CUL9: variants seen among roughly 807,000 people sequenced by gnomAD.
CUL9 encodes cullin 9.
A neutral mutation model predicts 272.6 loss-of-function variants in CUL9; 79 were observed. That is an observed-to-expected ratio of 0.29 (90% CI 0.24 to 0.35). The LOEUF is 0.35. Ranked by LOEUF, CUL9 falls within the 10% of genes least tolerant of loss-of-function variation. CUL9 has a pLI of 1.00. For missense variants in CUL9, 2,532 were observed against 3,255.6 expected, an observed-to-expected ratio of 0.78 and a Z score of 5.41; for synonymous variants, 1,186 against 1,286.5, an observed-to-expected ratio of 0.92 and a Z score of 1.67.
chr6:43,224,382 C>T lies in CUL9; in HGVS notation c.7491C>T (p.Asn2497=), dbSNP rs1180755211. 1 of 1,614,168 alleles carries T rather than the reference C, an allele frequency of 6.2e-7. No individual in the cohort carries two copies. The highest frequency in any genetic ancestry group is 8.5e-7 in the Non-Finnish European group (1 of 1,180,030). ...NDSFSYDESE[N]LDQETFFFGD... Reference sequence around the variant, plus strand: ...GCTTCTCCTACGATGAGTCTGAGAACCTGGACCAAGAGACTTTCTTCTTTG... The same window carrying T: ...GCTTCTCCTACGATGAGTCTGAGAATCTGGACCAAGAGACTTTCTTCTTTG... The change falls in exon 41 of 41, where the codon AAC becomes AAT. Residue 2497 remains asparagine, a synonymous_variant. Transcript: ENST00000252050. The surrounding 1 kb of genome is among the most constrained non-coding windows in gnomAD (Gnocchi z 4.2).
chr6:43,223,416 C>T lies in CUL9; in HGVS notation c.7284+19C>T. 1.3e-6 allele frequency: 2 copies of T among 1,575,638 alleles called. No homozygotes were observed. The highest frequency in any genetic ancestry group is 1.7e-6 in the Non-Finnish European group (2 of 1,157,646). On this transcript the variant is annotated intron_variant, in intron 39 of 40. Transcript: ENST00000252050. This position sits in a 1 kb window ranked among gnomAD's most constrained non-coding sequence, Gnocchi z 4.1. ...TGCCCAGGTACTGCCCGGCCCAGACCCCTTCTGCTCCTGCATTCTGCGGGA... is the reference window on the plus strand; with the variant it reads ...TGCCCAGGTACTGCCCGGCCCAGACTCCTTCTGCTCCTGCATTCTGCGGGA...
intron 31 of CUL9, among the ~76,000 whole-genome samples, chr6:43,219,014 A>G (rs983977134): frequency 1.3e-5 from 2 of 152,222 alleles, no homozygotes; most frequent in South Asian, 4.1e-4. Flanking sequence ...GCAAGACCCC[A>G]TAGCTACAAA....
Position 43,223,794 on chromosome 6 carries a change from T to TCTA in CUL9, c.7285-301_7285-300insCTA. The TCTA allele has an allele frequency of 1.9e-6, 1 of 520,126 alleles. No individual in the cohort carries two copies. The highest frequency in any genetic ancestry group is 3.2e-5 in the Admixed American group (1 of 31,674). The allele number at this position is 520,126 out of a possible 1,614,324, so 32.2% of individuals were successfully genotyped here. A position where few individuals can be genotyped will look rare whatever the true frequency, so the allele number is the denominator to read the frequency against. ...CTCTCCAGCTCTAATGCACTGATGC[T>TCTA]GAGTCTAAACTGTGAGTCCTGTCCT... On this transcript the variant is annotated intron_variant, in intron 39 of 40. Transcript: ENST00000252050. The surrounding 1 kb of genome is among the most constrained non-coding windows in gnomAD (Gnocchi z 4.1).
rs556419987 is a variant in CUL9, at chr6:43,221,395, G to A, written c.6752+74G>A. On this transcript the variant is annotated intron_variant, in intron 34 of 40. Coordinates refer to ENST00000252050, the MANE Select transcript of CUL9 (RefSeq NM_015089.4). The surrounding 1 kb of genome is among the most constrained non-coding windows in gnomAD (Gnocchi z 4.2). The stretch of plus-strand genomic sequence containing the variant: ...AGGCCTGGCAGAAGGAGGGGGGAAC[G>A]GGCTTAGTGTAAAGCTCAGCAAAAG... 4.3e-3 allele frequency: 6,367 copies of A among 1,487,628 alleles called. 67 individuals carry two copies. Among genetic ancestry groups the A allele is most frequent in the Non-Finnish European group, 5.3e-3 (5,886 of 1,110,494 alleles). The allele number at this position is 1,487,628 out of a possible 1,614,324, so 92.2% of individuals were successfully genotyped here. A position where few individuals can be genotyped will look rare whatever the true frequency, so the allele number is the denominator to read the frequency against.
intron 10 of CUL9, 117 bp from the exon 11 acceptor site, chr6:43,196,528 T>C: frequency 1.0e-6 from 1 of 986,578 alleles, no homozygotes; most frequent in Non-Finnish European, 1.6e-6. Flanking sequence ...ATGTCCTGGC[T>C]CAGAGGGCCC....
Position 43,187,099 on chromosome 6 carries a change from A to G in CUL9, c.1387+4A>G. 6.2e-7 allele frequency: 1 copy of G among 1,613,714 alleles called. No homozygotes were observed. The highest frequency in any genetic ancestry group is 8.5e-7 in the Non-Finnish European group (1 of 1,179,788). On this transcript the variant is annotated splice_donor_region_variant and intron_variant, in intron 5 of 40. Coordinates refer to ENST00000252050, the MANE Select transcript of CUL9 (RefSeq NM_015089.4). Reference sequence around the variant, plus strand: ...GGGGCTACTGTGTTGGGCACAGGTGAGCCTAAGAGGGGACATGGATAGCAT... The same window carrying G: ...GGGGCTACTGTGTTGGGCACAGGTGGGCCTAAGAGGGGACATGGATAGCAT...
At position 43,213,887 on chromosome 6, in the gene CUL9, T is replaced by A. The variant is rs774934530; in HGVS notation, c.5663T>A (p.Leu1888His). The A allele has an allele frequency of 1.9e-6, 3 of 1,614,032 alleles. No individual in the cohort carries two copies. The highest frequency in any genetic ancestry group is 2.5e-6 in the Non-Finnish European group (3 of 1,180,016). The change falls in exon 29 of 41, where the codon CTC (leucine) becomes CAC (histidine). Residue 1888 changes from leucine (L) to histidine (H), a missense_variant. By Grantham distance (99) the Leu-to-His change is moderately conservative. Around this residue, in one of 3 missense-constraint regions of CUL9, gnomAD observed 2,218 missense variants for 2,788.6 expected, o/e 0.80. Transcript: ENST00000252050. The surrounding 1 kb of genome is among the most constrained non-coding windows in gnomAD (Gnocchi z 5.7). ...RILKAHGEKG[L>H]HIDQLVCLVL... is the part of the protein sequence containing the mutation. ...CTCAAAGCCCATGGGGAAAAGGGCC[T>A]CCACATTGATCAGCTGGTTTGTCTG...
At position 43,203,991 on chromosome 6, in the gene CUL9, A is replaced by G; in HGVS notation, c.4159+4A>G. On this transcript the variant is annotated splice_donor_region_variant and intron_variant, in intron 20 of 40. Transcript: ENST00000252050. The surrounding 1 kb of genome is among the most constrained non-coding windows in gnomAD (Gnocchi z 5.0). Reference sequence around the variant, plus strand: ...GTGCAGAACATCACCTCTCCCGGTAACCATGCTGACACCTGGCCCCACTAA... The same window carrying G: ...GTGCAGAACATCACCTCTCCCGGTAGCCATGCTGACACCTGGCCCCACTAA... 6.3e-7 allele frequency: 1 copy of G among 1,591,838 alleles called. No individual in the cohort carries two copies. Among genetic ancestry groups the G allele is most frequent in the South Asian group, 1.1e-5 (1 of 89,230 alleles).
chr6:43,192,982 A>G lies in CUL9; in HGVS notation c.2181-19A>G, dbSNP rs369468686. The G allele has an allele frequency of 2.2e-5, 35 of 1,612,370 alleles. No individual in the cohort carries two copies. The highest frequency in any genetic ancestry group is 1.9e-4 in the African/African-American group (14 of 74,878). On this transcript the variant is annotated intron_variant, in intron 8 of 40. Coordinates refer to ENST00000252050, the MANE Select transcript of CUL9 (RefSeq NM_015089.4). ...AGACTCCTTGGGATGGGGAGCCCCA[A>G]TATCTCTTCTCTTGTCAGAGAGAAG...
chr6:43,202,351 G>C (rs1045609551), intron 16 of CUL9, among the ~76,000 whole-genome samples: 2 of 152,132 alleles, frequency 1.3e-5, no homozygotes, highest in South Asian at 4.2e-4. Context: ...TGTGTATTTG[G>C]AGTCCTCTGT....
In CUL9 at chr6:43,213,660, C is replaced by G; in HGVS notation, c.5489-53C>G. Reference sequence around the variant, plus strand: ...TGTGAGAATGGGGTCATCTTAGTCCCCATTCATCTGTCCCTCTGCCTCCTC... The same window carrying G: ...TGTGAGAATGGGGTCATCTTAGTCCGCATTCATCTGTCCCTCTGCCTCCTC... On this transcript the variant is annotated intron_variant, in intron 28 of 40. Transcript: ENST00000252050. This position sits in a 1 kb window ranked among gnomAD's most constrained non-coding sequence, Gnocchi z 5.7. 1 of 1,607,154 alleles carries G rather than the reference C, an allele frequency of 6.2e-7. No homozygotes were observed. Among genetic ancestry groups the G allele is most frequent in the South Asian group, 1.1e-5 (1 of 90,742 alleles).
intron 31 of CUL9, among the ~76,000 whole-genome samples, chr6:43,219,130 G>A (rs1296224254): frequency 2.0e-5 from 3 of 152,072 alleles, no homozygotes; most frequent in South Asian, 2.1e-4. Context: ...TTGAGGCTGC[G>A]GTGAACCATG....
chr6:43,214,885 G>A (rs562508138), intron 29 of CUL9, among the ~76,000 whole-genome samples, 194 bp from the exon 30 acceptor site: 5 of 152,092 alleles, frequency 3.3e-5, no homozygotes, highest in Non-Finnish European at 7.4e-5. Context: ...GCTCATGCAG[G>A]AGGATTACTT....
chr6:43,202,289 T>TA (rs1774663920), intron 16 of CUL9, among the ~76,000 whole-genome samples: 1 of 152,148 alleles, frequency 6.6e-6, no homozygotes, highest in South Asian at 2.1e-4. Context: ...GACATGGAAA[T>TA]ACCTGTTGGG....
At chr6:43,202,944 G>A in intron 17 of CUL9, 123 bp downstream of exon 17, 1 of 1,227,912 alleles carries the variant, frequency 8.1e-7, no homozygotes, top group Non-Finnish European at 1.2e-6. Flanking sequence ...GTGTTGCCTT[G>A]TAAGCAGTGA....
intron 3 of CUL9, 114 bp from the exon 4 acceptor site, chr6:43,185,841 C>A: frequency 7.2e-7 from 1 of 1,388,180 alleles, no homozygotes. Context: ...AGTTTCAGAA[C>A]TACAGGCCTG....
chr6:43,202,692 A>C, intron 16 of CUL9, 24 bp from the exon 17 acceptor site: 1 of 1,606,804 alleles, frequency 6.2e-7, no homozygotes, highest in Non-Finnish European at 8.5e-7. Flanking sequence ...CCCAGCTTTG[A>C]CTGTTTCCTT....
rs145896671 is a variant in CUL9 at position 43,188,082 on chromosome 6, A to T, written c.1951A>T (p.Met651Leu). The part of the protein sequence containing the change: ...LFNQLLVTEG[M>L]TLPTEMKEAA... Reference sequence around the variant, plus strand: ...TAACCAGCTTCTGGTGACTGAGGGGATGACCCTGCCCACTGAGATGAAGGA... The same window carrying T: ...TAACCAGCTTCTGGTGACTGAGGGGTTGACCCTGCCCACTGAGATGAAGGA... Residue 651 changes from methionine (M) to leucine (L), a missense_variant, in exon 7 of 41, where the codon ATG (methionine) becomes TTG (leucine). Physicochemically the swap from Met to Leu is conservative, Grantham distance 15 (BLOSUM62 2). Transcript: ENST00000252050. 1.2e-5 allele frequency: 20 copies of T among 1,613,734 alleles called. No individual in the cohort carries two copies. The African/African-American group carries it at 2.7e-4, about 22-fold the overall frequency.
chr6:43,205,198 G>C lies in CUL9; in HGVS notation c.4633-65G>C, dbSNP rs368187944. 7 of 1,590,558 alleles carry C rather than the reference G, an allele frequency of 4.4e-6. No homozygotes were observed. The East Asian group carries it at 1.6e-4, about 36-fold the overall frequency. ...CTGCTCTGCCCTTTCACCTCCTTTC[G>C]CTCCCCAGTCTCCTACTCCACTCCC... On this transcript the variant is annotated intron_variant, in intron 23 of 40. Coordinates refer to ENST00000252050, the MANE Select transcript of CUL9 (RefSeq NM_015089.4).
Sources: allele counts gnomAD v4.1 joint callset (sites outside exome capture counted in the v4.1 genomes callset), GRCh38; gene constraint gnomAD v4.1.1; regional missense constraint gnomAD v4.1.1; non-coding constraint Gnocchi (gnomAD v3.1); transcripts MANE v1.5; gene names NCBI Gene and HGNC (gene_info 2026-07-23, HGNC 2026-07-21).